SYT1: variants seen among roughly 807,000 people sequenced by gnomAD.
SYT1 encodes synaptotagmin 1.
In SYT1, 8 loss-of-function variants were observed where a neutral mutation model predicts 44.8. That is an observed-to-expected ratio of 0.18 (90% CI 0.10 to 0.32). The LOEUF (loss-of-function observed/expected upper bound fraction) is 0.32. Ranked by LOEUF, SYT1 falls within the 10% of genes least tolerant of loss-of-function variation. The probability of loss-of-function intolerance (pLI) is 1.00; values close to 1 mark genes in which losing one functional copy is unlikely to be tolerated. For missense variants in SYT1, 286 were observed against 509.3 expected (o/e 0.56, Z 4.22); for synonymous variants, 154 against 188.8 (o/e 0.82, Z 1.51).
intron 9 of SYT1, chr12:79,419,181 A>G (rs532778187): frequency 7.0e-4 from 321 of 458,602 alleles, no homozygotes; most frequent in South Asian, 2.9e-3. Flanking sequence ...TTCTATAAGA[A>G]TTTTTAAATT....
intron 8 of SYT1, among the ~76,000 whole-genome samples, chr12:79,303,082 T>C (rs1880225378): frequency 6.6e-6 from 1 of 152,136 alleles, no homozygotes; most frequent in South Asian, 2.1e-4. Flanking sequence ...TAAGTATTTA[T>C]TGTATACACA....
chr12:79,329,557 G>A (rs1881763843), intron 8 of SYT1, among the ~76,000 whole-genome samples: 1 of 152,114 alleles, frequency 6.6e-6, no homozygotes, highest in African/African-American at 2.4e-5. Flanking sequence ...CACATTCTAG[G>A]CACTGTTCTG....
At chr12:79,336,904 T>G (rs1224112255) in intron 8 of SYT1, among the ~76,000 whole-genome samples, 1 of 152,130 alleles carries the variant, frequency 6.6e-6, no homozygotes. Flanking sequence ...CTCAAACTCC[T>G]GATTTCAAGA....
At chr12:79,427,031 C>T (rs12813856) in intron 9 of SYT1, among the ~76,000 whole-genome samples, 67,709 of 152,122 alleles carry the variant, frequency 0.45, 18,693 homozygotes, top group Non-Finnish European at 0.61. Context: ...TTGTAAGTTT[C>T]CTGAGGCCTC....
intron 4 of SYT1, among the ~76,000 whole-genome samples, chr12:79,278,932 A>G (rs1175682817): frequency 6.6e-6 from 1 of 151,692 alleles, no homozygotes; most frequent in Non-Finnish European, 1.5e-5. Context: ...CTAAAAACAT[A>G]TAGCCCCCCC....
At chr12:79,310,529 T>C (rs527623643) in intron 8 of SYT1, among the ~76,000 whole-genome samples, 1 of 152,324 alleles carries the variant, frequency 6.6e-6, no homozygotes, top group African/African-American at 2.4e-5. Context: ...AACTTTAAAG[T>C]AGTTTTTTCC....
At chr12:79,263,667 A>G (rs1033701800) in intron 4 of SYT1, among the ~76,000 whole-genome samples, 1 of 152,208 alleles carries the variant, frequency 6.6e-6, no homozygotes, top group African/African-American at 2.4e-5. Context: ...ATGGTTACAT[A>G]TAAGCAAAAT....
At chr12:79,061,118 A>G (rs1450118067) in intron 3 of SYT1, among the ~76,000 whole-genome samples, 1 of 152,140 alleles carries the variant, frequency 6.6e-6, no homozygotes, top group Non-Finnish European at 1.5e-5. Flanking sequence ...ATGCAAATTT[A>G]TAGCCATCAA....
At chr12:79,035,427 G>T (rs1393108095) in intron 2 of SYT1, among the ~76,000 whole-genome samples, 1 of 151,612 alleles carries the variant, frequency 6.6e-6, no homozygotes, top group Non-Finnish European at 1.5e-5. Context: ...AAGATTTTTG[G>T]TTGGCTTCTC....
At chr12:79,095,297 A>G (rs958866952) in intron 3 of SYT1, among the ~76,000 whole-genome samples, 2 of 151,930 alleles carry the variant, frequency 1.3e-5, no homozygotes, top group African/African-American at 4.8e-5. Flanking sequence ...GGATTCAGAG[A>G]AGGGAAGTTT....
intron 2 of SYT1, among the ~76,000 whole-genome samples, chr12:79,008,866 G>A (rs1158910845): frequency 6.6e-6 from 1 of 152,058 alleles, no homozygotes; most frequent in African/African-American, 2.4e-5. Flanking sequence ...GTACACAGCA[G>A]GGGATCAATT....
At chr12:79,390,140 A>G (rs1884597941) in intron 9 of SYT1, among the ~76,000 whole-genome samples, 1 of 151,866 alleles carries the variant, frequency 6.6e-6, no homozygotes, top group Non-Finnish European at 1.5e-5. Flanking sequence ...TCACTGTTTT[A>G]GCCAGGATGG....
chr12:78,929,820 G>C (rs755292733), intron 1 of SYT1, among the ~76,000 whole-genome samples: 3 of 152,096 alleles, frequency 2.0e-5, no homozygotes, highest in Non-Finnish European at 2.9e-5. Flanking sequence ...TACGTCTTCT[G>C]GTTTTGTATG....
At chr12:79,191,810 T>C (rs1285308642) in intron 3 of SYT1, among the ~76,000 whole-genome samples, 1 of 152,084 alleles carries the variant, frequency 6.6e-6, no homozygotes, top group East Asian at 1.9e-4. Context: ...GCTGGTCTAG[T>C]ATGGAATATG....
chr12:79,446,683 CT>C (rs1870753895), intron 10 of SYT1, among the ~76,000 whole-genome samples: 2 of 152,114 alleles, frequency 1.3e-5, no homozygotes, highest in Admixed American at 1.3e-4. Flanking sequence ...TACTTATTTA[CT>C]TTCAACATCT....
chr12:79,156,032 G>A (rs1443009492), intron 3 of SYT1, among the ~76,000 whole-genome samples: 1 of 152,154 alleles, frequency 6.6e-6, no homozygotes, highest in Non-Finnish European at 1.5e-5. Context: ...ATCTACTTAG[G>A]TCTAACATCT....
At chr12:78,929,461 A>G (rs1389606533) in intron 1 of SYT1, among the ~76,000 whole-genome samples, 4 of 144,596 alleles carry the variant, frequency 2.8e-5, no homozygotes, top group Admixed American at 1.4e-4. Context: ...ATTAGCAGCA[A>G]TTAGTTTTAT....
intron 4 of SYT1, among the ~76,000 whole-genome samples, chr12:79,276,248 CA>C (rs1270298695): frequency 6.6e-6 from 1 of 151,690 alleles, no homozygotes; most frequent in East Asian, 1.9e-4. Context: ...ATAAAGAATT[CA>C]AAAAATTGAT....
intron 3 of SYT1, among the ~76,000 whole-genome samples, chr12:79,071,256 A>G (rs1298006705): frequency 6.6e-6 from 1 of 152,150 alleles, no homozygotes; most frequent in Non-Finnish European, 1.5e-5. Context: ...ATTTAAAAAT[A>G]ATTTATTGGC....
Sources: allele counts gnomAD v4.1 joint callset (sites outside exome capture counted in the v4.1 genomes callset), GRCh38; gene constraint gnomAD v4.1.1; transcripts MANE v1.5; gene names NCBI Gene and HGNC (gene_info 2026-07-23, HGNC 2026-07-21).